The following ZFP62 variants were observed in gnomAD, a reference collection of about 807,000 sequenced individuals.
ZFP62 encodes ZFP62 zinc finger protein.
Under a neutral mutation model 56.4 loss-of-function variants are expected in ZFP62, and 44 were observed. The ratio of observed to expected loss-of-function variants is 0.78; its 90% CI spans 0.61 to 1.00. The LOEUF is 1.00. ZFP62 is among the 50% of genes least tolerant of loss of function. The pLI, the probability that ZFP62 is intolerant of heterozygous loss-of-function variation, is 0.00. For missense variants in ZFP62, 1,030 were observed against 1,085.7 expected (o/e 0.95, Z 0.72); for synonymous variants, 421 against 388.9 (o/e 1.08, Z -0.97).
At chr5:180,837,745 A>C in the ZFP62 span, among the ~76,000 whole-genome samples, 3 of 152,164 alleles carry the variant, frequency 2.0e-5, no homozygotes, top group Non-Finnish European at 4.4e-5. Context: ...TGCCTTGGGG[A>C]GAAGACTACG....
the ZFP62 span, among the ~76,000 whole-genome samples, chr5:180,836,087 C>A: frequency 1.3e-5 from 2 of 152,216 alleles, no homozygotes; most frequent in Non-Finnish European, 2.9e-5. Context: ...GCAGCCCCGG[C>A]GCATTAGGCC....
chr5:180,854,671 T>A (rs1000217838), intron 1 of ZFP62, among the ~76,000 whole-genome samples: 4 of 152,242 alleles, frequency 2.6e-5, no homozygotes, highest in African/African-American at 9.6e-5. Flanking sequence ...AGACATAATA[T>A]GCTTTTAGTA....
chr5:180,847,546 C>A (rs1489742252), downstream of ZFP62: 1 of 975,630 alleles, frequency 1.0e-6, no homozygotes, highest in African/African-American at 1.8e-5. Flanking sequence ...TCTGGTATAA[C>A]TTACCCAACA....
chr5:180,861,058 C>A (rs34173672), intron 1 of ZFP62, among the ~76,000 whole-genome samples, 161 bp downstream of exon 1: 4,373 of 152,304 alleles, frequency 0.029, 85 homozygotes, highest in Non-Finnish European at 0.045. Flanking sequence ...CTCCCCTCCG[C>A]TCCCCAGAAA....
chr5:180,856,879 G>C (rs770661090), intron 1 of ZFP62, among the ~76,000 whole-genome samples: 3 of 149,404 alleles, frequency 2.0e-5, no homozygotes, highest in Non-Finnish European at 4.4e-5. Flanking sequence ...GCATGAACCT[G>C]GGAGGCGAGC....
chr5:180,845,385 T>C (rs1003328637), downstream of ZFP62, among the ~76,000 whole-genome samples: 4 of 140,474 alleles, frequency 2.8e-5, no homozygotes, highest in African/African-American at 1.0e-4. Flanking sequence ...CACACAAGTT[T>C]AGTTACTTGC....
At chr5:180,837,204 C>G in the ZFP62 span, among the ~76,000 whole-genome samples, 3 of 152,214 alleles carry the variant, frequency 2.0e-5, no homozygotes, top group Non-Finnish European at 4.4e-5. Context: ...GAAACGAGAC[C>G]ACCGTGTGGC....
At chr5:180,840,613 C>T in the ZFP62 span, among the ~76,000 whole-genome samples, 85 of 151,856 alleles carry the variant, frequency 5.6e-4, no homozygotes, top group African/African-American at 1.9e-3. Flanking sequence ...AAAAATGAGC[C>T]GGGCATGTGG....
At chr5:180,833,593 G>A in the ZFP62 span, among the ~76,000 whole-genome samples, 1 of 151,816 alleles carries the variant, frequency 6.6e-6, no homozygotes, top group Non-Finnish European at 1.5e-5. Context: ...ACCATAACGT[G>A]ACCATGCTGG....
chr5:180,840,185 CCTGA>C, the ZFP62 span, among the ~76,000 whole-genome samples: 3 of 152,184 alleles, frequency 2.0e-5, no homozygotes, highest in Non-Finnish European at 1.5e-5. Context: ...GTCCCATGTG[CCTGA>C]CTGCTTGGGC....
chr5:180,848,939 T>C lies in ZFP62; in HGVS notation c.2556A>G (p.Arg852=), dbSNP rs1423684817. Residue 852 remains arginine, a synonymous_variant, in exon 2 of 2, where the codon AGA becomes AGG. Coordinates refer to ENST00000502412, the MANE Select transcript of ZFP62 (RefSeq NM_001172638.2). Reference sequence around the variant, plus strand: ...TTCTTTTATGCTTGGTGAGATTTGATCTGATATTAAAAGCCTTACCACACT... The same window carrying C: ...TTCTTTTATGCTTGGTGAGATTTGACCTGATATTAAAAGCCTTACCACACT... ...CNECGKAFNI[R]SNLTKHKRTH... is the part of the protein sequence containing the mutation. 3 of 1,551,664 alleles carry C rather than the reference T, an allele frequency of 1.9e-6. No individual in the cohort carries two copies. In the Admixed American group the frequency reaches 5.9e-5, roughly 30 times the overall value.
downstream of ZFP62, among the ~76,000 whole-genome samples, chr5:180,846,617 T>TCG (rs898470958): frequency 1.2e-4 from 18 of 151,296 alleles, no homozygotes; most frequent in African/African-American, 3.4e-4. Context: ...TTCCTACTCC[T>TCG]CTCAGAAAAC....
downstream of ZFP62, among the ~76,000 whole-genome samples, chr5:180,842,785 T>C (rs1181548197): frequency 6.6e-6 from 1 of 152,192 alleles, no homozygotes; most frequent in African/African-American, 2.4e-5. Context: ...CTCATGCCTG[T>C]AATCCTAGCA....
Position 180,849,372 on chromosome 5 carries a change from T to C in ZFP62, c.2123A>G (p.Lys708Arg), listed in dbSNP as rs576772332. 2.6e-6 allele frequency: 4 copies of C among 1,551,072 alleles called. No homozygotes were observed. Among genetic ancestry groups the C allele is most frequent in the African/African-American group, 2.7e-5 (2 of 73,034 alleles). The change falls in exon 2 of 2, where the codon AAA (lysine) becomes AGA (arginine). Residue 708 changes from lysine (K) to arginine (R), a missense_variant. Coordinates refer to ENST00000502412, the MANE Select transcript of ZFP62 (RefSeq NM_001172638.2). Reference protein sequence around the residue: ...RTPHTCDECGKAFFSSRTLIS... With the variant: ...RTPHTCDECGRAFFSSRTLIS... ...AAGAGTTCTGCTTGAGAAAAAAGCT[T>C]TTCCACATTCATCACATGTATGGGG... is the stretch of plus-strand genomic sequence containing the variant.
chr5:180,839,854 G>A, the ZFP62 span, among the ~76,000 whole-genome samples: 2 of 152,148 alleles, frequency 1.3e-5, no homozygotes, highest in Admixed American at 6.5e-5. Context: ...AACTCCCAGC[G>A]CCAAGGACAG....
At chr5:180,829,005 C>A in the ZFP62 span, among the ~76,000 whole-genome samples, 7 of 152,190 alleles carry the variant, frequency 4.6e-5, no homozygotes, top group Non-Finnish European at 8.8e-5. Context: ...GTACCCTCAG[C>A]CTTATTAGGA....
chr5:180,842,944 GA>G (rs1773344410), downstream of ZFP62, among the ~76,000 whole-genome samples: 1 of 151,756 alleles, frequency 6.6e-6, no homozygotes, highest in South Asian at 2.1e-4. Context: ...TGGGGAGGCT[GA>G]GGTAGGAGAA....
chr5:180,850,869 T>A lies in ZFP62; in HGVS notation c.626A>T (p.Tyr209Phe). The A allele has an allele frequency of 6.4e-7, 1 of 1,563,502 alleles. No homozygotes were observed. The highest frequency in any genetic ancestry group is 8.7e-7 in the Non-Finnish European group (1 of 1,154,314). The change falls in exon 2 of 2, where the codon TAC becomes TTC. Residue 209 changes from tyrosine to phenylalanine, a missense_variant. Physicochemically the swap from Tyr to Phe is conservative, Grantham distance 22 (BLOSUM62 3). Transcript: ENST00000502412. ...GCTTTTGTGGTTTATAAGGCTGGAG[T>A]AGGACATGTAGGCTTTCCCACATTC... Reference protein sequence around the residue: ...CEECGKAYMSYSSLINHKSTH... With the variant: ...CEECGKAYMSFSSLINHKSTH...
At chr5:180,858,257 CA>C (rs1159409435) in intron 1 of ZFP62, among the ~76,000 whole-genome samples, 2,786 of 40,262 alleles carry the variant, frequency 0.069, 32 homozygotes, top group African/African-American at 0.14. Context: ...AACTCTGTCT[CA>C]AAAAAAAAAA....
Sources: allele counts gnomAD v4.1 joint callset (sites outside exome capture counted in the v4.1 genomes callset), GRCh38; gene constraint gnomAD v4.1.1; transcripts MANE v1.5; gene names NCBI Gene and HGNC (gene_info 2026-07-23, HGNC 2026-07-21).